The following CACNA1H variants were observed in gnomAD, a reference collection of about 807,000 sequenced individuals.
The protein encoded by CACNA1H is calcium voltage-gated channel subunit alpha1 H.
In CACNA1H, 149 loss-of-function variants were observed where a neutral mutation model predicts 192.5. The ratio of observed to expected loss-of-function variants is 0.77; its 90% CI spans 0.68 to 0.89. The LOEUF (loss-of-function observed/expected upper bound fraction) is 0.89. Among genes scored for constraint, CACNA1H ranks in the 40% least tolerant of loss-of-function variants. The pLI, the probability that CACNA1H is intolerant of heterozygous loss-of-function variation, is 0.00. For missense variants in CACNA1H, 4,257 were observed against 3,423.5 expected, an observed-to-expected ratio of 1.24 and a Z score of -6.08; for synonymous variants, 2,202 against 1,475.2, an observed-to-expected ratio of 1.49 and a Z score of -11.29.
In CACNA1H at chr16:1,220,758, C is replaced by T. The variant is rs1398479650; in HGVS notation, c.6826C>T (p.Pro2276Ser). 1.2e-6 allele frequency: 2 copies of T among 1,612,526 alleles called. No individual in the cohort carries two copies. Among genetic ancestry groups the T allele is most frequent in the Admixed American group, 3.3e-5 (2 of 60,018 alleles). Residue 2276 changes from proline (P) to serine (S), a missense_variant, in exon 35 of 35, where the codon CCC becomes TCC. Coordinates refer to ENST00000348261, the MANE Select transcript of CACNA1H (RefSeq NM_021098.3). ...FAFEPLDLGV[P>S]SGDPFLDGSH... ...CTTTGAGCCGCTGGACCTCGGGGTC[C>T]CCAGTGGAGACCCTTTCTTGGACGG...
intron 2 of CACNA1H, among the ~76,000 whole-genome samples, chr16:1,187,369 C>T (rs1449202302): frequency 4.6e-5 from 7 of 152,216 alleles, no homozygotes; most frequent in Non-Finnish European, 1.0e-4. Flanking sequence ...CCTGTGACCT[C>T]AGCTGCAGTC....
rs1193072348 is a variant in CACNA1H at position 1,201,679 on chromosome 16, T to G, written c.1229T>G (p.Met410Arg). 1 of 1,601,372 alleles carries G rather than the reference T, an allele frequency of 6.2e-7. No individual in the cohort carries two copies. The highest frequency in any genetic ancestry group is 8.5e-7 in the Non-Finnish European group (1 of 1,172,354). Residue 410 changes from methionine (M) to arginine (R), a missense_variant, in exon 9 of 35, where the codon ATG becomes AGG. Met to Arg is a moderately conservative substitution (Grantham distance 91). Transcript: ENST00000348261. ...ILLIIVGSFF[M>R]INLCLVVIAT... ...CCGTCACAGGTGGGCTCCTTCTTCA[T>G]GATCAACCTGTGCCTGGTGGTGATT...
chr16:1,162,962 C>T (rs565529796), intron 2 of CACNA1H, among the ~76,000 whole-genome samples: 7 of 152,366 alleles, frequency 4.6e-5, no homozygotes, highest in East Asian at 1.9e-4. Flanking sequence ...TGCGGCCACG[C>T]GGAGCTATCC....
At chr16:1,164,717 C>T (rs1399250015) in intron 2 of CACNA1H, among the ~76,000 whole-genome samples, 1 of 152,160 alleles carries the variant, frequency 6.6e-6, no homozygotes, top group African/African-American at 2.4e-5. Flanking sequence ...AGATCTTGGC[C>T]CTCAAGCCCC....
chr16:1,184,798 C>T (rs368619967), intron 2 of CACNA1H, among the ~76,000 whole-genome samples: 38 of 152,308 alleles, frequency 2.5e-4, no homozygotes, highest in East Asian at 5.8e-4. Context: ...CAGACAGGTG[C>T]GGGGCTCCAG....
At chr16:1,197,256 C>A (rs987997331) in intron 5 of CACNA1H, among the ~76,000 whole-genome samples, 2 of 152,228 alleles carry the variant, frequency 1.3e-5, no homozygotes, top group African/African-American at 4.8e-5. Context: ...ACAGGAGTAA[C>A]CATGACCCCA....
chr16:1,217,086 C>G, intron 31 of CACNA1H, 76 bp downstream of exon 31: 1 of 1,270,560 alleles, frequency 7.9e-7, no homozygotes, highest in South Asian at 1.3e-5. Flanking sequence ...CACTCACACG[C>G]AGGCACATGC....
At chr16:1,156,045 C>T (rs1479538618) in intron 2 of CACNA1H, among the ~76,000 whole-genome samples, 2 of 152,126 alleles carry the variant, frequency 1.3e-5, no homozygotes, top group Non-Finnish European at 2.9e-5. Context: ...CCTGGTGTCC[C>T]CAGGGCTCTC....
At position 1,215,294 on chromosome 16, in the gene CACNA1H, C is replaced by A. The variant is rs745792525; in HGVS notation, c.5092C>A (p.Leu1698Met). Residue 1698 changes from leucine to methionine, a missense_variant, in exon 29 of 35, where the codon CTG becomes ATG. By Grantham distance (15) the Leu-to-Met change is conservative (BLOSUM62 2). Transcript: ENST00000348261. ...GCTGCTGTCACTCATGGGCATCACG[C>A]TGGAGGAGATAGAGATGAGCGCCGC... ...IVLLSLMGIT[L>M]EEIEMSAALP... 13 of 1,609,860 alleles carry A rather than the reference C, an allele frequency of 8.1e-6. No homozygotes were observed. The highest frequency in any genetic ancestry group is 1.1e-5 in the Non-Finnish European group (13 of 1,178,568).
chr16:1,175,000 T>C (rs1355409593), intron 2 of CACNA1H, among the ~76,000 whole-genome samples: 1 of 132,940 alleles, frequency 7.5e-6, no homozygotes, highest in African/African-American at 2.8e-5. Context: ...CCGTGGTGGG[T>C]CTCAGGGCTG....
In CACNA1H at chr16:1,215,026, T is replaced by A; in HGVS notation, c.4984T>A (p.Phe1662Ile). The change falls in exon 28 of 35, where the codon TTC becomes ATC. Residue 1662 changes from phenylalanine to isoleucine, a missense_variant. Physicochemically the swap from Phe to Ile is conservative, Grantham distance 21. Coordinates refer to ENST00000348261, the MANE Select transcript of CACNA1H (RefSeq NM_021098.3). ...CNYVFTIVFV[F>I]EAALKLVAFG... ...CTACGTCTTCACCATCGTGTTTGTCTTCGAGGCTGCACTGAAGCTGGTAGC... is the reference window on the plus strand; with the variant it reads ...CTACGTCTTCACCATCGTGTTTGTCATCGAGGCTGCACTGAAGCTGGTAGC... 1 of 1,613,082 alleles carries A rather than the reference T, an allele frequency of 6.2e-7. No homozygotes were observed. Among genetic ancestry groups the A allele is most frequent in the Non-Finnish European group, 8.5e-7 (1 of 1,179,566 alleles).
At position 1,210,469 on chromosome 16, in the gene CACNA1H, G is replaced by A. The variant is rs1969303819; in HGVS notation, c.3945G>A (p.Arg1315=). ...ACTGCGTCACCATCGCCCTGGAGAG[G>A]CCTGACATTGATCCCGGCAGCACCG... is the stretch of plus-strand genomic sequence containing the variant. ...FLNCVTIALE[R]PDIDPGSTER... is the part of the protein sequence containing the mutation. Residue 1315 remains arginine, a synonymous_variant, in exon 19 of 35, where the codon AGG becomes AGA. Transcript: ENST00000348261. 1.2e-6 allele frequency: 2 copies of A among 1,612,138 alleles called. No individual in the cohort carries two copies. Among genetic ancestry groups the A allele is most frequent in the South Asian group, 1.1e-5 (1 of 91,042 alleles).
intron 26 of CACNA1H, among the ~76,000 whole-genome samples, chr16:1,212,879 A>C (rs969445676): frequency 6.6e-6 from 1 of 152,122 alleles, no homozygotes; most frequent in Non-Finnish European, 1.5e-5. Context: ...GGCTGCGCTG[A>C]GTGCTTCAGT....
rs866580841 is a variant in CACNA1H, at chr16:1,221,548, C to T, written c.*554C>T. The T allele has an allele frequency of 5.9e-6, 3 of 509,382 alleles. No homozygotes were observed. Among genetic ancestry groups the T allele is most frequent in the South Asian group, 2.5e-5 (1 of 40,198 alleles). 31.6% of individuals were successfully genotyped at this position (509,382 alleles called of 1,614,324 possible). On this transcript the variant is annotated 3_prime_UTR_variant, in exon 35 of 35. Coordinates refer to ENST00000348261, the MANE Select transcript of CACNA1H (RefSeq NM_021098.3). Reference sequence around the variant, plus strand: ...TCCTGTGACTCTGGGAGAGGTGACACCTCACTAAGGGGCCGACCCCATGGA... The same window carrying T: ...TCCTGTGACTCTGGGAGAGGTGACATCTCACTAAGGGGCCGACCCCATGGA...
At chr16:1,174,022 T>C (rs780034665) in intron 2 of CACNA1H, among the ~76,000 whole-genome samples, 3 of 152,176 alleles carry the variant, frequency 2.0e-5, no homozygotes, top group Non-Finnish European at 2.9e-5. Flanking sequence ...CCTCACATCA[T>C]GCGGGCCTGT....
At chr16:1,215,493 G>A (rs1317474995) in intron 29 of CACNA1H, 30 bp from the exon 30 acceptor site, 3 of 1,606,554 alleles carry the variant, frequency 1.9e-6, no homozygotes, top group Non-Finnish European at 2.5e-6. Context: ...GGTCCGCCCA[G>A]CCCTGCTGAC....
At position 1,201,417 on chromosome 16, in the gene CACNA1H, A is replaced by G. The variant is rs892419570; in HGVS notation, c.1213-246A>G. 4.6e-5 allele frequency among the ~76,000 whole-genome samples: 7 copies of G among 152,152 alleles called. No individual in the cohort carries two copies. In the South Asian group the frequency reaches 1.2e-3, roughly 27 times the overall value. On this transcript the variant is annotated intron_variant, in intron 8 of 34. Coordinates refer to ENST00000348261, the MANE Select transcript of CACNA1H (RefSeq NM_021098.3). ...GCAGGTAAAGGAGGGGCCGAGCCAC[A>G]TGGAGAAGCAGGAAAGAGGGTTCCA...
intron 8 of CACNA1H, among the ~76,000 whole-genome samples, chr16:1,201,060 G>T (rs1967821291): frequency 6.6e-6 from 1 of 152,136 alleles, no homozygotes; most frequent in South Asian, 2.1e-4. Flanking sequence ...ACCCTGGGGA[G>T]TGCATAGCCT....
chr16:1,209,433 C>T, intron 17 of CACNA1H, 21 bp downstream of exon 17: 1 of 1,591,284 alleles, frequency 6.3e-7, no homozygotes, highest in East Asian at 2.3e-5. Flanking sequence ...GGCCCTGGGC[C>T]CACCGCCGAC....
Sources: gnomAD v4.1 joint callset for allele counts (sites outside exome capture counted in the v4.1 genomes callset) on GRCh38, gnomAD v4.1.1 for gene constraint, MANE v1.5 for transcripts, NCBI Gene and HGNC (gene_info 2026-07-23, HGNC 2026-07-21) for gene names.